Variants in CCDC141 observed in about 807,000 individuals in gnomAD.
CCDC141 encodes the protein coiled-coil domain containing 141.
In CCDC141, 168 loss-of-function variants were observed where a neutral mutation model predicts 181.0. That is an observed-to-expected ratio of 0.93 (90% CI 0.82 to 1.05). The LOEUF (loss-of-function observed/expected upper bound fraction) is 1.05, where lower values mean the gene tolerates loss of function less well. CCDC141 is among the 50% of genes least tolerant of loss of function. The pLI is 0.00. For synonymous variants in CCDC141, 666 were observed against 642.3 expected (o/e 1.04, Z -0.56); for missense variants, 1,902 against 1,788.5 (o/e 1.06, Z -1.14).
At chr2:178,991,864 G>A (rs967691482) in intron 2 of CCDC141, among the ~76,000 whole-genome samples, 7 of 151,256 alleles carry the variant, frequency 4.6e-5, no homozygotes, top group African/African-American at 1.5e-4. Context: ...TTAAGATTGA[G>A]GGCTATAAAT....
chr2:179,014,844 A>T (rs1016303444), intron 2 of CCDC141, among the ~76,000 whole-genome samples: 4 of 151,848 alleles, frequency 2.6e-5, no homozygotes, highest in African/African-American at 4.8e-5. Flanking sequence ...TAGTACAACC[A>T]CTATGGAAAA....
intron 6 of CCDC141, among the ~76,000 whole-genome samples, chr2:178,939,475 C>A (rs1272871269): frequency 1.3e-5 from 2 of 152,098 alleles, no homozygotes; most frequent in African/African-American, 4.8e-5. Context: ...CTCCTTACCT[C>A]CCTGGTCATT....
intron 2 of CCDC141, among the ~76,000 whole-genome samples, chr2:178,998,582 C>T (rs984661150): frequency 1.4e-4 from 21 of 152,052 alleles, no homozygotes; most frequent in African/African-American, 5.1e-4. Context: ...TCTATATGAC[C>T]TCATTTTGGT....
intron 2 of CCDC141, among the ~76,000 whole-genome samples, chr2:179,035,903 A>G (rs897860183): frequency 6.6e-6 from 1 of 152,224 alleles, no homozygotes; most frequent in African/African-American, 2.4e-5. Context: ...ATTAGTAGCC[A>G]TCTTTCATCT....
At chr2:178,874,849 T>C (rs953515988) in intron 12 of CCDC141, 3 of 152,190 alleles carry the variant, frequency 2.0e-5, no homozygotes, top group African/African-American at 4.8e-5. Flanking sequence ...AATGATCTTC[T>C]AAAGACGTTG....
chr2:178,921,994 C>T (rs1222805030), intron 6 of CCDC141, among the ~76,000 whole-genome samples: 2 of 151,984 alleles, frequency 1.3e-5, no homozygotes, highest in Admixed American at 1.3e-4. Context: ...ACTTTCTGTG[C>T]GATTAGGGGA....
At chr2:178,915,125 A>G (rs1688385825) in intron 7 of CCDC141, among the ~76,000 whole-genome samples, 1 of 152,098 alleles carries the variant, frequency 6.6e-6, no homozygotes, top group South Asian at 2.1e-4. Context: ...GTGAGCTGTG[A>G]TCATGCCACT....
At chr2:179,041,857 G>A (rs1466133482) in intron 2 of CCDC141, among the ~76,000 whole-genome samples, 2 of 152,100 alleles carry the variant, frequency 1.3e-5, no homozygotes, top group African/African-American at 2.4e-5. Context: ...TCAACAAGAA[G>A]AGCTGAATAT....
At chr2:178,846,814 T>A (rs1425193552) in intron 21 of CCDC141, among the ~76,000 whole-genome samples, 1 of 152,172 alleles carries the variant, frequency 6.6e-6, no homozygotes, top group Admixed American at 6.5e-5. Flanking sequence ...GTCTCAACAT[T>A]ATTTGGAAAT....
intron 2 of CCDC141, among the ~76,000 whole-genome samples, chr2:178,983,427 C>T (rs1575302902): frequency 6.6e-6 from 1 of 152,184 alleles, no homozygotes; most frequent in Non-Finnish European, 1.5e-5. Flanking sequence ...TCCAAAGGAA[C>T]CCAGCTCCTT....
intron 7 of CCDC141, among the ~76,000 whole-genome samples, chr2:178,914,709 T>A (rs1245171216): frequency 6.6e-6 from 1 of 152,188 alleles, no homozygotes; most frequent in Non-Finnish European, 1.5e-5. Flanking sequence ...TTTCTAGCAT[T>A]TAGAACAATG....
intron 5 of CCDC141, among the ~76,000 whole-genome samples, chr2:178,959,037 G>T (rs763251652): frequency 6.6e-6 from 1 of 151,502 alleles, no homozygotes; most frequent in African/African-American, 2.4e-5. Flanking sequence ...TAAAAACGTC[G>T]CAAGGACAAA....
chr2:178,896,855 ATTAAT>A (rs1294859475), intron 8 of CCDC141, among the ~76,000 whole-genome samples: 3 of 152,160 alleles, frequency 2.0e-5, no homozygotes, highest in African/African-American at 4.8e-5. Context: ...TGAGGATTAA[ATTAAT>A]TTATGTCTAG....
At chr2:178,855,243 A>G (rs775490006) in intron 19 of CCDC141, 104 bp downstream of exon 19, 3 of 895,826 alleles carry the variant, frequency 3.3e-6, no homozygotes, top group Non-Finnish European at 3.5e-6. Context: ...AGCATGATAC[A>G]TGAATATAAT....
At chr2:178,838,151 G>C (rs1003810297) in intron 22 of CCDC141, among the ~76,000 whole-genome samples, 3 of 152,192 alleles carry the variant, frequency 2.0e-5, no homozygotes, top group Admixed American at 2.0e-4. Flanking sequence ...CTGACCATCA[G>C]AGACTCCCTT....
chr2:179,036,366 T>C (rs1472463301), intron 2 of CCDC141, among the ~76,000 whole-genome samples: 1 of 152,250 alleles, frequency 6.6e-6, no homozygotes, highest in African/African-American at 2.4e-5. Flanking sequence ...TGAAGAAGCC[T>C]ATTTTAATGG....
chr2:178,837,027 T>C lies in CCDC141; in HGVS notation c.4192A>G (p.Lys1398Glu). 1 of 1,614,050 alleles carries C rather than the reference T, an allele frequency of 6.2e-7. No individual in the cohort carries two copies. The highest frequency in any genetic ancestry group is 8.5e-7 in the Non-Finnish European group (1 of 1,179,958). ...PREEIKSTSA[K>E]SSVVSLADQA... Reference sequence around the variant, plus strand: ...TCAGCTAGGCTGACCACGCTGCTCTTTGCTGATGTGCTTTTAATCTCTTCT... The same window carrying C: ...TCAGCTAGGCTGACCACGCTGCTCTCTGCTGATGTGCTTTTAATCTCTTCT... The change falls in exon 23 of 24, where the codon AAG becomes GAG. Residue 1398 changes from lysine to glutamate, a missense_variant. Physicochemically the swap from Lys to Glu is moderately conservative, Grantham distance 56. Transcript: ENST00000443758.
At chr2:178,841,913 G>C (rs908452138) in intron 22 of CCDC141, among the ~76,000 whole-genome samples, 1 of 152,200 alleles carries the variant, frequency 6.6e-6, no homozygotes, top group Non-Finnish European at 1.5e-5. Context: ...GGTTACAGGC[G>C]TAAGCTACAG....
chr2:178,844,695 C>T (rs1183683017), intron 22 of CCDC141, among the ~76,000 whole-genome samples: 1 of 152,186 alleles, frequency 6.6e-6, no homozygotes, highest in African/African-American at 2.4e-5. Context: ...CTGAAAGAAC[C>T]ATACTGACTT....
Sources: gnomAD v4.1 joint callset for allele counts (sites outside exome capture counted in the v4.1 genomes callset) on GRCh38, gnomAD v4.1.1 for gene constraint, MANE v1.5 for transcripts, NCBI Gene and HGNC (gene_info 2026-07-23, HGNC 2026-07-21) for gene names.